The following SLC43A2 variants were observed in gnomAD, a reference collection of about 807,000 sequenced individuals.
The protein encoded by SLC43A2 is solute carrier family 43 member 2, also known as large neutral amino acids transporter small subunit 4.
A neutral mutation model predicts 63.2 loss-of-function variants in SLC43A2; 38 were observed. The observed-to-expected ratio is 0.60, with a 90% CI of 0.46 to 0.79. The LOEUF (loss-of-function observed/expected upper bound fraction) is 0.79, where lower values mean the gene tolerates loss of function less well. Among genes scored for constraint, SLC43A2 ranks in the 30% least tolerant of loss-of-function variants. The pLI is 0.00. For missense variants in SLC43A2, 644 were observed against 756.2 expected (o/e 0.85, Z 1.74); for synonymous variants, 322 against 331.0 (o/e 0.97, Z 0.30).
intron 5 of SLC43A2, among the ~76,000 whole-genome samples, chr17:1,599,548 A>C (rs1350916692): frequency 6.6e-6 from 1 of 151,582 alleles, no homozygotes; most frequent in African/African-American, 2.4e-5. Flanking sequence ...AAAAATAAAG[A>C]AAATTAGCTG....
In SLC43A2 at chr17:1,583,373, C is replaced by G. The variant is rs745467051; in HGVS notation, c.1218-37G>C. 3.1e-6 allele frequency: 5 copies of G among 1,606,032 alleles called. No homozygotes were observed. The South Asian group carries it at 5.5e-5, about 18-fold the overall frequency. ...CAGAACGTGCAGGGGTGGGAGGGCT[C>G]CCCGGAGGAAGCCGGGTGCTCCTGA... On this transcript the variant is annotated intron_variant, in intron 10 of 13. Transcript: ENST00000301335. This position sits in a 1 kb window ranked among gnomAD's most constrained non-coding sequence, Gnocchi z 5.5.
At chr17:1,604,902 C>G in intron 5 of SLC43A2, 1 of 1,533,996 alleles carries the variant, frequency 6.5e-7, no homozygotes, top group Non-Finnish European at 8.7e-7. Context: ...CTCCACCGGT[C>G]TCAGCTGCGC....
chr17:1,581,967 C>A (rs780149547), intron 11 of SLC43A2, among the ~76,000 whole-genome samples: 1 of 151,784 alleles, frequency 6.6e-6, no homozygotes, highest in Admixed American at 6.6e-5. Flanking sequence ...CCACCACGCC[C>A]AGCTAATTTT....
chr17:1,594,827 A>C (rs1398566161), intron 5 of SLC43A2, among the ~76,000 whole-genome samples: 1 of 151,480 alleles, frequency 6.6e-6, no homozygotes, highest in Admixed American at 6.6e-5. Context: ...TGACCTCGTG[A>C]TCCGCCCGCC....
rs2075839440 is a variant in SLC43A2 at position 1,570,950 on chromosome 17, C to T, written c.*4654G>A. ...AGACAGTCCTCTAGACTTTGGTCTTCCCTCCTTGCCTCCTCGGCCTGGGGT... is the reference window on the plus strand; with the variant it reads ...AGACAGTCCTCTAGACTTTGGTCTTTCCTCCTTGCCTCCTCGGCCTGGGGT... On this transcript the variant is annotated 3_prime_UTR_variant, in exon 14 of 14. Coordinates refer to ENST00000301335, the MANE Select transcript of SLC43A2 (RefSeq NM_152346.3). 1 of 152,288 alleles carries T rather than the reference C, an allele frequency of 6.6e-6. No individual in the cohort carries two copies. The allele number at this position is 152,288 out of a possible 1,614,324, so 9.4% of individuals were successfully genotyped here.
rs759744869 is a variant in SLC43A2 at position 1,575,759 on chromosome 17, C to T, written c.1555G>A (p.Val519Met). 50 of 1,610,588 alleles carry T rather than the reference C, an allele frequency of 3.1e-5. No homozygotes were observed. Among genetic ancestry groups the T allele is most frequent in the South Asian group, 2.9e-4 (26 of 90,842 alleles). Reference sequence around the variant, plus strand: ...AGCAGGCTGAGAAGGAGCAGCCCCACGTTCACCTGGGGAGGCAGGGAGGCC... The same window carrying T: ...AGCAGGCTGAGAAGGAGCAGCCCCATGTTCACCTGGGGAGGCAGGGAGGCC... ...PLQGDPLWVNVGLLLLSLLGF... is the reference protein window; with the variant it reads ...PLQGDPLWVNMGLLLLSLLGF... The change falls in exon 14 of 14, where the codon GTG becomes ATG. Residue 519 changes from valine to methionine, a missense_variant. Around this residue, in one of 3 missense-constraint regions of SLC43A2, gnomAD observed 105 missense variants for 101.7 expected, o/e 1.03. Transcript: ENST00000301335.
At chr17:1,604,980 G>A (rs974362630) in intron 5 of SLC43A2, 3 of 1,449,652 alleles carry the variant, frequency 2.1e-6, no homozygotes, top group Non-Finnish European at 1.8e-6. Context: ...CCTAGCGCGG[G>A]CCTCGAGGGC....
In SLC43A2 at chr17:1,593,462, A is replaced by G. The variant is rs575737221; in HGVS notation, c.502-183T>C. On this transcript the variant is annotated intron_variant, in intron 5 of 13. Coordinates refer to ENST00000301335, the MANE Select transcript of SLC43A2 (RefSeq NM_152346.3). The surrounding 1 kb of genome is among the most constrained non-coding windows in gnomAD (Gnocchi z 5.3). ...CTGAAGGTTTCTCCTTCATGGACTG[A>G]GGCTGATGGGGCCAAGGAGGGAGGT... 5.6e-4 allele frequency among the ~76,000 whole-genome samples: 85 copies of G among 152,230 alleles called. No individual in the cohort carries two copies. The highest frequency in any genetic ancestry group is 2.0e-3 in the African/African-American group (83 of 41,532).
intron 2 of SLC43A2, among the ~76,000 whole-genome samples, chr17:1,618,494 G>A (rs187283122): frequency 6.6e-6 from 1 of 152,312 alleles, no homozygotes; most frequent in African/African-American, 2.4e-5. Flanking sequence ...GGGGAATCAC[G>A]GCACCATCAG....
At chr17:1,587,736 A>G in intron 9 of SLC43A2, among the ~76,000 whole-genome samples, 1 of 151,388 alleles carries the variant, frequency 6.6e-6, no homozygotes, top group East Asian at 2.0e-4. Flanking sequence ...ACGTAAACAG[A>G]TGATAGTATC....
At chr17:1,595,052 G>T (rs146166141) in intron 5 of SLC43A2, among the ~76,000 whole-genome samples, 10 of 151,866 alleles carry the variant, frequency 6.6e-5, no homozygotes, top group African/African-American at 2.2e-4. Context: ...GAGACAAGGG[G>T]GGCAGATCAC....
chr17:1,618,574 A>C (rs375182195), intron 2 of SLC43A2, among the ~76,000 whole-genome samples: 2 of 152,332 alleles, frequency 1.3e-5, no homozygotes, highest in East Asian at 3.9e-4. Context: ...GCGCAAAGAC[A>C]TGTCTAATCC....
rs774103019 is a variant in SLC43A2, at chr17:1,569,473, T to C, written c.*6131A>G. The C allele has an allele frequency of 6.6e-6, 1 of 152,250 alleles. No homozygotes were observed. The highest frequency in any genetic ancestry group is 2.4e-5 in the African/African-American group (1 of 41,440). 9.4% of individuals were successfully genotyped at this position (152,250 alleles called of 1,614,324 possible). A position where few individuals can be genotyped will look rare whatever the true frequency, so the allele number is the denominator to read the frequency against. The stretch of plus-strand genomic sequence containing the variant: ...CCTGCCCAGGTGTTCTTTCCAGCAA[T>C]GGAAAGGGATTCAGCGAGGTAAGAC... On this transcript the variant is annotated 3_prime_UTR_variant, in exon 14 of 14. Transcript: ENST00000301335.
At chr17:1,626,256 G>C (rs960640399) in intron 2 of SLC43A2, among the ~76,000 whole-genome samples, 3 of 151,112 alleles carry the variant, frequency 2.0e-5, no homozygotes, top group African/African-American at 7.3e-5. Context: ...ATCTCTAAGG[G>C]GGGAGAGAGG....
chr17:1,601,116 C>G (rs554171850), intron 5 of SLC43A2, among the ~76,000 whole-genome samples: 2 of 151,652 alleles, frequency 1.3e-5, no homozygotes, highest in East Asian at 3.9e-4. Flanking sequence ...GTCAGAAATG[C>G]AAAAATGCTG....
intron 5 of SLC43A2, among the ~76,000 whole-genome samples, chr17:1,594,751 C>T (rs1488221204): frequency 1.3e-5 from 2 of 151,586 alleles, no homozygotes; most frequent in African/African-American, 2.4e-5. Flanking sequence ...CCACACCCGG[C>T]TAATTTTTTT....
At chr17:1,609,701 C>A (rs992049371) in intron 5 of SLC43A2, among the ~76,000 whole-genome samples, 7 of 151,850 alleles carry the variant, frequency 4.6e-5, no homozygotes, top group Non-Finnish European at 8.8e-5. Flanking sequence ...AAATGATGGT[C>A]CATCTATATT....
Position 1,576,623 on chromosome 17 carries a change from C to T in SLC43A2, c.1522G>A (p.Gly508Ser). The T allele has an allele frequency of 6.2e-7, 1 of 1,609,814 alleles. No homozygotes were observed. Among genetic ancestry groups the T allele is most frequent in the Non-Finnish European group, 8.5e-7 (1 of 1,179,924 alleles). Residue 508 changes from glycine (G) to serine (S), a missense_variant, in exon 13 of 14, where the codon GGT (glycine) becomes AGT (serine). By Grantham distance (56) the Gly-to-Ser change is moderately conservative. Coordinates refer to ENST00000301335, the MANE Select transcript of SLC43A2 (RefSeq NM_152346.3). The part of the protein sequence containing the change: ...LQQPLFLAMM[G>S]PLQGDPLWVN... ...CACAGAGGGTCTCCCTGGAGAGGAC[C>T]CATCATGGCCAGAAACAGCGGCTGC...
chr17:1,599,655 T>C (rs1051269423), intron 5 of SLC43A2, among the ~76,000 whole-genome samples: 4 of 150,112 alleles, frequency 2.7e-5, no homozygotes, highest in Non-Finnish European at 5.9e-5. Context: ...GAGCAGAGAC[T>C]GAGCCACTGC....
Sources: allele counts gnomAD v4.1 joint callset (sites outside exome capture counted in the v4.1 genomes callset), GRCh38; gene constraint gnomAD v4.1.1; regional missense constraint gnomAD v4.1.1; non-coding constraint Gnocchi (gnomAD v3.1); transcripts MANE v1.5; gene names NCBI Gene and HGNC (gene_info 2026-07-23, HGNC 2026-07-21).